HTR3E: variants seen among roughly 807,000 people sequenced by gnomAD.
The protein encoded by HTR3E is 5-hydroxytryptamine receptor 3E.
In HTR3E, 38 loss-of-function variants were observed where a neutral mutation model predicts 38.0. That is an observed-to-expected ratio of 1.00 (90% CI 0.77 to 1.31). The LOEUF is 1.31. Ranked by LOEUF, HTR3E falls within the 50% of genes most tolerant of loss-of-function variation. HTR3E has a pLI of 0.00. For missense variants in HTR3E, 547 were observed against 585.2 expected (o/e 0.93, Z 0.67); for synonymous variants, 210 against 232.9 (o/e 0.90, Z 0.89).
rs1007512615 is a variant in HTR3E at position 184,106,039 on chromosome 3, A to C, written c.925+70A>C. On this transcript the variant is annotated intron_variant, in intron 7 of 8. Transcript: ENST00000415389. This position sits in a 1 kb window ranked among gnomAD's most constrained non-coding sequence, Gnocchi z 4.1. The stretch of plus-strand genomic sequence containing the variant: ...TCAGGAAGGGAGGTATTTTGGAAAA[A>C]GGAGGCCGTATGCCTGCCAGGGTGG... 6 of 1,610,148 alleles carry C rather than the reference A, an allele frequency of 3.7e-6. No individual in the cohort carries two copies. The African/African-American group carries it at 8.0e-5, about 22-fold the overall frequency.
At position 184,104,128 on chromosome 3, in the gene HTR3E, T is replaced by A; in HGVS notation, c.280-54T>A. 4 of 1,282,628 alleles carry A rather than the reference T, an allele frequency of 3.1e-6. No individual in the cohort carries two copies. In the South Asian group the frequency reaches 7.8e-5, roughly 25 times the overall value. 79.5% of individuals were successfully genotyped at this position (1,282,628 alleles called of 1,614,324 possible). ...TTGAAGTATTTCATAACTTTTTTTTTTAAAGAAGAAATTAAAAGGCAGGAG... is the reference window on the plus strand; with the variant it reads ...TTGAAGTATTTCATAACTTTTTTTTATAAAGAAGAAATTAAAAGGCAGGAG... On this transcript the variant is annotated intron_variant, in intron 3 of 8. Transcript: ENST00000415389.
rs576568494 is a variant in HTR3E at position 184,105,100 on chromosome 3, G to A, written c.559+144G>A. 1,183 of 1,162,208 alleles carry A rather than the reference G, an allele frequency of 1.0e-3. 16 individuals are homozygous for A. In the South Asian group the frequency reaches 0.018, roughly 18 times the overall value. The allele number at this position is 1,162,208 out of a possible 1,614,324, so 72.0% of individuals were successfully genotyped here. ...TGCTAAAATATTTTCCATAAAGGCA[G>A]AACCCAAGTCTGTCTTGTTCCTTAC... On this transcript the variant is annotated intron_variant, in intron 5 of 8. Transcript: ENST00000415389.
Position 184,106,129 on chromosome 3 carries a change from T to A in HTR3E, c.927T>A (p.Gly309=), listed in dbSNP as rs1313387009. ...LLPTSGTPLI[G]VYFALCLSLM... Reference sequence around the variant, plus strand: ...TCACTAGGCCCCCCTTCCCTCCAGGTGTCTACTTCGCCCTGTGCCTGTCCC... The same window carrying A: ...TCACTAGGCCCCCCTTCCCTCCAGGAGTCTACTTCGCCCTGTGCCTGTCCC... Residue 309 remains glycine (G), a splice_region_variant and synonymous_variant, in exon 8 of 9, where the codon GGT becomes GGA. Transcript: ENST00000415389. The surrounding 1 kb of genome is among the most constrained non-coding windows in gnomAD (Gnocchi z 4.1). 6.2e-7 allele frequency: 1 copy of A among 1,613,358 alleles called. No homozygotes were observed.
rs191329080 is a variant in HTR3E at position 184,101,460 on chromosome 3, T to C, written c.235-25T>C. ...AACAGACTTCTTACTGGCAACATGA[T>C]GGAAATAGGAAATTCTTTTGGCAGA... On this transcript the variant is annotated intron_variant, in intron 2 of 8. Coordinates refer to ENST00000415389, the MANE Select transcript of HTR3E (RefSeq NM_001256613.2). 9 of 1,610,016 alleles carry C rather than the reference T, an allele frequency of 5.6e-6. No individual in the cohort carries two copies. In the Admixed American group the frequency reaches 8.3e-5, roughly 15 times the overall value.
intron 1 of HTR3E, among the ~76,000 whole-genome samples, chr3:184,098,529 G>C (rs1711783479): frequency 6.6e-6 from 1 of 152,158 alleles, no homozygotes; most frequent in Non-Finnish European, 1.5e-5. Flanking sequence ...CAGTGTAAAT[G>C]GTTATGAAAG....
chr3:184,105,390 C>G lies in HTR3E; in HGVS notation c.683C>G (p.Ser228Cys). 1 of 1,613,836 alleles carries G rather than the reference C, an allele frequency of 6.2e-7. No homozygotes were observed. Among genetic ancestry groups the G allele is most frequent in the Non-Finnish European group, 8.5e-7 (1 of 1,179,942 alleles). ...LGLSKATAKL[S>C]RGGNLYDQIV... ...CTCAGCAAGGCCACCGCAAAGTTGT[C>G]CAGGGGAGGCAACCTGTATGATCAG... Residue 228 changes from serine to cysteine, a missense_variant, in exon 6 of 9, where the codon TCC (serine) becomes TGC (cysteine). Physicochemically the swap from Ser to Cys is moderately radical, Grantham distance 112. Transcript: ENST00000415389.
chr3:184,106,025 G>A lies in HTR3E; in HGVS notation c.925+56G>A. 3 of 1,611,354 alleles carry A rather than the reference G, an allele frequency of 1.9e-6. No individual in the cohort carries two copies. The South Asian group carries it at 3.3e-5, about 18-fold the overall frequency. The stretch of plus-strand genomic sequence containing the variant: ...GGGTGGGAACTAACTCAGGAAGGGA[G>A]GTATTTTGGAAAAAGGAGGCCGTAT... On this transcript the variant is annotated intron_variant, in intron 7 of 8. Coordinates refer to ENST00000415389, the MANE Select transcript of HTR3E (RefSeq NM_001256613.2). This position sits in a 1 kb window ranked among gnomAD's most constrained non-coding sequence, Gnocchi z 4.1.
At chr3:184,100,343 T>C (rs1310441467) in intron 1 of HTR3E, 142 bp from the exon 2 acceptor site, 2 of 1,596,144 alleles carry the variant, frequency 1.3e-6, no homozygotes, top group Non-Finnish European at 1.7e-6. Flanking sequence ...GGGCTTAGAA[T>C]ATACCTGACA....
chr3:184,097,995 C>T (rs1368741997), intron 1 of HTR3E, among the ~76,000 whole-genome samples: 1 of 152,196 alleles, frequency 6.6e-6, no homozygotes, highest in Non-Finnish European at 1.5e-5. Flanking sequence ...TTTCTATCCA[C>T]AGGTGTAATT....
At chr3:184,104,527 G>A (rs1445999244) in intron 4 of HTR3E, 2 of 487,876 alleles carry the variant, frequency 4.1e-6, no homozygotes, top group Non-Finnish European at 6.7e-6. Context: ...GCAACATGGT[G>A]AAACCTCATC....
chr3:184,101,441 C>G (rs890371643), intron 2 of HTR3E, 44 bp from the exon 3 acceptor site: 1 of 1,566,716 alleles, frequency 6.4e-7, no homozygotes, highest in Admixed American at 1.7e-5. Flanking sequence ...ATGGAACAGA[C>G]TTCTTACTGG....
rs374460890 is a variant in HTR3E, at chr3:184,101,539, A to G, written c.279+10A>G. 17 of 1,603,110 alleles carry G rather than the reference A, an allele frequency of 1.1e-5. No homozygotes were observed. The highest frequency in any genetic ancestry group is 1.5e-5 in the Non-Finnish European group (17 of 1,169,944). ...CCTGTGGCTGGAAATGGTATGGACA[A>G]CACTTTATTCTCTCCCTACAGTTAC... On this transcript the variant is annotated intron_variant, in intron 3 of 8. Transcript: ENST00000415389.
intron 1 of HTR3E, among the ~76,000 whole-genome samples, chr3:184,099,056 A>C (rs774583254): frequency 3.8e-4 from 57 of 151,744 alleles, no homozygotes; most frequent in Non-Finnish European, 6.3e-4. Flanking sequence ...AAAATTTAAA[A>C]ATTTAAAAAA....
chr3:184,105,633 C>A, intron 6 of HTR3E, 132 bp from the exon 7 acceptor site: 1 of 923,022 alleles, frequency 1.1e-6, no homozygotes, highest in Non-Finnish European at 1.7e-6. Context: ...AAGCTGCATT[C>A]CCCACAGCTC....
In HTR3E at chr3:184,106,282, C is replaced by T. The variant is rs773447359; in HGVS notation, c.1080C>T (p.Cys360=). 2.9e-5 allele frequency: 47 copies of T among 1,613,286 alleles called. No individual in the cohort carries two copies. In the South Asian group the frequency reaches 4.4e-4, roughly 15 times the overall value. The part of the protein sequence containing the change: ...LLLHCNSPGR[C]CPTAPQKENK... ...TCCACTGCAACAGCCCGGGGAGATGCTGTCCCACTGCGCCCCAGAAGGAAA... is the reference window on the plus strand; with the variant it reads ...TCCACTGCAACAGCCCGGGGAGATGTTGTCCCACTGCGCCCCAGAAGGAAA... Residue 360 remains cysteine (C), a synonymous_variant, in exon 8 of 9, where the codon TGC becomes TGT. Coordinates refer to ENST00000415389, the MANE Select transcript of HTR3E (RefSeq NM_001256613.2). This position sits in a 1 kb window ranked among gnomAD's most constrained non-coding sequence, Gnocchi z 4.1.
At position 184,097,462 on chromosome 3, in the gene HTR3E, C is replaced by T; in HGVS notation, c.-68C>T. Reference sequence around the variant, plus strand: ...TTCAAAGTCAGACTCTAGGTGTGGCCTGTGCTGCTTTAATCTGGGCATTCC... The same window carrying T: ...TTCAAAGTCAGACTCTAGGTGTGGCTTGTGCTGCTTTAATCTGGGCATTCC... On this transcript the variant is annotated 5_prime_UTR_variant, in exon 1 of 9. Transcript: ENST00000415389. 8.8e-7 allele frequency: 1 copy of T among 1,132,984 alleles called. No individual in the cohort carries two copies. Among genetic ancestry groups the T allele is most frequent in the Non-Finnish European group, 1.3e-6 (1 of 780,838 alleles). The allele number at this position is 1,132,984 out of a possible 1,614,324, so 70.2% of individuals were successfully genotyped here.
intron 1 of HTR3E, among the ~76,000 whole-genome samples, chr3:184,099,224 G>A (rs916874630): frequency 4.0e-5 from 6 of 151,426 alleles, no homozygotes; most frequent in African/African-American, 9.7e-5. Flanking sequence ...TGAGATCCCC[G>A]TCTCTACAAA....
chr3:184,104,423 G>GTAAGTGGTCTTTAGATGGCTAAGA, intron 4 of HTR3E, 132 bp downstream of exon 4: 1 of 1,409,224 alleles, frequency 7.1e-7, no homozygotes, highest in African/African-American at 1.5e-5. Flanking sequence ...AAGAGAAACT[G>GTAAGTGGTCTTTAGATGGCTAAGA]AGCCAGGCGC....
At chr3:184,098,825 C>A (rs998734327) in intron 1 of HTR3E, among the ~76,000 whole-genome samples, 4 of 151,734 alleles carry the variant, frequency 2.6e-5, no homozygotes, top group Non-Finnish European at 5.9e-5. Context: ...AGGCGGATCA[C>A]CTGAGGTCAA....
Sources: allele counts gnomAD v4.1 joint callset (sites outside exome capture counted in the v4.1 genomes callset), GRCh38; gene constraint gnomAD v4.1.1; non-coding constraint Gnocchi (gnomAD v3.1); transcripts MANE v1.5; gene names NCBI Gene and HGNC (gene_info 2026-07-23, HGNC 2026-07-21).